The following TTBK2 variants were observed in gnomAD, a reference collection of about 807,000 sequenced individuals.
TTBK2 encodes the protein tau tubulin kinase 2, also known as tau-tubulin kinase 2.
A neutral mutation model predicts 110.8 loss-of-function variants in TTBK2; 28 were observed. The ratio of observed to expected loss-of-function variants is 0.25; its 90% confidence interval spans 0.19 to 0.35. TTBK2 has a LOEUF of 0.35. TTBK2 is among the 10% of genes least tolerant of loss of function. TTBK2 has a pLI of 1.00. For missense variants in TTBK2, 1,369 were observed against 1,500.3 expected, an observed-to-expected ratio of 0.91 and a Z score of 1.45; for synonymous variants, 532 against 527.3, an observed-to-expected ratio of 1.01 and a Z score of -0.12.
At chr15:42,911,117 A>G (rs1168972465) in intron 1 of TTBK2, among the ~76,000 whole-genome samples, 1 of 152,214 alleles carries the variant, frequency 6.6e-6, no homozygotes, top group African/African-American at 2.4e-5. Flanking sequence ...AATGCATACA[A>G]AAAATTGAAC....
intron 4 of TTBK2, among the ~76,000 whole-genome samples, chr15:42,837,657 CAAAAAAAA>C (rs35898464): frequency 5.0e-5 from 2 of 39,996 alleles, no homozygotes; most frequent in Non-Finnish European, 9.8e-5. Context: ...GACTCTGTCT[CAAAAAAAA>C]AAAAAAAAAA....
intron 6 of TTBK2, among the ~76,000 whole-genome samples, chr15:42,819,470 A>G (rs1252105233): frequency 6.6e-6 from 1 of 151,912 alleles, no homozygotes; most frequent in East Asian, 1.9e-4. Flanking sequence ...CAAGTTAGCT[A>G]TTTCATTTCT....
At chr15:42,837,289 C>G (rs561880980) in intron 4 of TTBK2, among the ~76,000 whole-genome samples, 19 of 147,198 alleles carry the variant, frequency 1.3e-4, no homozygotes, top group Non-Finnish European at 1.5e-5. Flanking sequence ...ACCTGGGAGG[C>G]GAAGGTTGCA....
At chr15:42,912,493 G>A (rs2030824065) in intron 1 of TTBK2, among the ~76,000 whole-genome samples, 1 of 151,824 alleles carries the variant, frequency 6.6e-6, no homozygotes, top group Admixed American at 6.6e-5. Flanking sequence ...TGGATCACCT[G>A]AGGTCAGGAG....
At position 42,739,326 on chromosome 15, in the gene TTBK2, A is replaced by G. The variant is rs1240849781; in HGVS notation, c.*6469T>C. ...TGGAATTATTAAAGTCATCTAACTC[A>G]TTGGTCTTGTTCAACAAGAAAGAAT... On this transcript the variant is annotated 3_prime_UTR_variant, in exon 15 of 15. Transcript: ENST00000267890. The G allele has an allele frequency of 6.6e-6, 1 of 152,258 alleles. No homozygotes were observed. The highest frequency in any genetic ancestry group is 1.9e-4 in the East Asian group (1 of 5,202). 9.4% of individuals were successfully genotyped at this position (152,258 alleles called of 1,614,324 possible). A position where few individuals can be genotyped will look rare whatever the true frequency, so the allele number is the denominator to read the frequency against.
intron 1 of TTBK2, among the ~76,000 whole-genome samples, chr15:42,907,774 C>A (rs1262548737): frequency 6.6e-6 from 1 of 151,718 alleles, no homozygotes; most frequent in Non-Finnish European, 1.5e-5. Flanking sequence ...CGTTTTACCT[C>A]AATTAAAAAA....
chr15:42,913,455 C>T (rs1297729656), intron 1 of TTBK2, among the ~76,000 whole-genome samples: 1 of 151,742 alleles, frequency 6.6e-6, no homozygotes, highest in African/African-American at 2.4e-5. Flanking sequence ...CTGATTAACA[C>T]GGTGAAACCC....
At chr15:42,815,958 A>AAATATATATATAT (rs71108183) in intron 7 of TTBK2, among the ~76,000 whole-genome samples, 1,494 of 91,586 alleles carry the variant, frequency 0.016, 39 homozygotes, top group African/African-American at 0.027. Context: ...TTAAAAAAAA[A>AAATATATATATAT]ATATATATAT....
intron 1 of TTBK2, among the ~76,000 whole-genome samples, chr15:42,903,337 A>G (rs1321254329): frequency 6.6e-6 from 1 of 152,220 alleles, no homozygotes; most frequent in Admixed American, 6.5e-5. Flanking sequence ...AAAAAGTCCT[A>G]CAGATAGATG....
chr15:42,777,644 C>T (rs924644711), intron 11 of TTBK2, among the ~76,000 whole-genome samples: 10 of 152,144 alleles, frequency 6.6e-5, no homozygotes, highest in African/African-American at 1.9e-4. Flanking sequence ...AAGCCTGAGT[C>T]GCTATACCTC....
Position 42,741,894 on chromosome 15 carries a change from G to GCAT in TTBK2, c.*3898_*3900dup, listed in dbSNP as rs1357326173. Reference sequence around the variant, plus strand: ...CTGTCTGCTCTTGGGGAAAAAAAAAGCATCTGTTTTTAATTCAAAGCTCTG... The same window carrying GCAT: ...CTGTCTGCTCTTGGGGAAAAAAAAAGCATCATCTGTTTTTAATTCAAAGCTCTG... On this transcript the variant is annotated 3_prime_UTR_variant, in exon 15 of 15. Coordinates refer to ENST00000267890, the MANE Select transcript of TTBK2 (RefSeq NM_173500.4). 1 of 152,088 alleles carries GCAT rather than the reference G, an allele frequency of 6.6e-6. No homozygotes were observed. Among genetic ancestry groups the GCAT allele is most frequent in the East Asian group, 1.9e-4 (1 of 5,190 alleles). 9.4% of individuals were successfully genotyped at this position (152,088 alleles called of 1,614,324 possible).
intron 7 of TTBK2, among the ~76,000 whole-genome samples, chr15:42,815,870 A>ATT (rs1332753251): frequency 1.6e-5 from 2 of 121,448 alleles, no homozygotes; most frequent in Non-Finnish European, 3.1e-5. Context: ...ATATATATAT[A>ATT]TTTAAATATA....
At position 42,775,249 on chromosome 15, in the gene TTBK2, A is replaced by T; in HGVS notation, c.1884T>A (p.Ala628=). The change falls in exon 13 of 15, where the codon GCT becomes GCA. Residue 628 remains alanine (A), a synonymous_variant. Transcript: ENST00000267890. ...GCCTATCTGTATATTGTTCTGAAGC[A>T]GCAGTAGGAGGACCCTCTGCAGAAA... The part of the protein sequence containing the change: ...LALSAEGPPT[A]ASEQYTDRLE... The T allele has an allele frequency of 6.2e-7, 1 of 1,614,226 alleles. No homozygotes were observed. The highest frequency in any genetic ancestry group is 8.5e-7 in the Non-Finnish European group (1 of 1,180,044).
intron 1 of TTBK2, among the ~76,000 whole-genome samples, chr15:42,904,076 G>A (rs892477525): frequency 6.6e-6 from 1 of 152,174 alleles, no homozygotes; most frequent in African/African-American, 2.4e-5. Flanking sequence ...ACCCTCCCAA[G>A]CTGGGTCTTG....
chr15:42,799,073 A>G (rs1304634758), intron 9 of TTBK2, among the ~76,000 whole-genome samples: 1 of 152,144 alleles, frequency 6.6e-6, no homozygotes, highest in Non-Finnish European at 1.5e-5. Flanking sequence ...ACAAAATCCT[A>G]AAAAATCTGA....
rs1433117210 is a variant in TTBK2 at position 42,740,270 on chromosome 15, GCTTCAC to G, written c.*5519_*5524del. On this transcript the variant is annotated 3_prime_UTR_variant, in exon 15 of 15. Coordinates refer to ENST00000267890, the MANE Select transcript of TTBK2 (RefSeq NM_173500.4). Reference sequence around the variant, plus strand: ...ATTGCACAGGGCCATGAAAGGAAAGGCTTCACTACTTTTACATGTTACCTTAAGACC... The same window carrying G: ...ATTGCACAGGGCCATGAAAGGAAAGGTACTTTTACATGTTACCTTAAGACC... The G allele has an allele frequency of 6.6e-6, 1 of 152,144 alleles. No individual in the cohort carries two copies. The highest frequency in any genetic ancestry group is 1.9e-4 in the East Asian group (1 of 5,186). 9.4% of individuals were successfully genotyped at this position (152,144 alleles called of 1,614,324 possible). A position where few individuals can be genotyped will look rare whatever the true frequency, so the allele number is the denominator to read the frequency against.
chr15:42,832,085 T>C (rs1447117001), intron 4 of TTBK2, among the ~76,000 whole-genome samples: 1 of 152,224 alleles, frequency 6.6e-6, no homozygotes, highest in Non-Finnish European at 1.5e-5. Context: ...AATTGGGATT[T>C]ACCATAGTTA....
chr15:42,846,253 G>A (rs1893461790), intron 3 of TTBK2, among the ~76,000 whole-genome samples: 1 of 149,688 alleles, frequency 6.7e-6, no homozygotes, highest in Admixed American at 6.7e-5. Flanking sequence ...GCAGTGGACT[G>A]ATCTCATCTC....
chr15:42,881,643 G>A (rs1444408375), intron 1 of TTBK2, among the ~76,000 whole-genome samples: 1 of 152,068 alleles, frequency 6.6e-6, no homozygotes, highest in Non-Finnish European at 1.5e-5. Context: ...GGAGGCTGAG[G>A]CAGGCAGATC....
Sources: allele counts gnomAD v4.1 joint callset (sites outside exome capture counted in the v4.1 genomes callset), GRCh38; gene constraint gnomAD v4.1.1; transcripts MANE v1.5; gene names NCBI Gene and HGNC (gene_info 2026-07-23, HGNC 2026-07-21).